HMGB1: variants seen among roughly 807,000 people sequenced by gnomAD.
HMGB1 encodes high mobility group protein B1.
For missense variants in HMGB1, 79 were observed against 253.5 expected (o/e 0.31, Z 4.67); for synonymous variants, 81 against 84.0 (o/e 0.96, Z 0.19).
intron 1 of HMGB1, among the ~76,000 whole-genome samples, chr13:30,517,694 G>A (rs897781764): frequency 6.6e-6 from 1 of 152,150 alleles, no homozygotes; most frequent in Non-Finnish European, 1.5e-5. Flanking sequence ...TGGCCTCTGA[G>A]AGCCTTCTGC....
intron 1 of HMGB1, among the ~76,000 whole-genome samples, chr13:30,579,070 A>G (rs753759532): frequency 1.3e-4 from 20 of 152,222 alleles, no homozygotes; most frequent in Non-Finnish European, 4.4e-5. Flanking sequence ...GCAAGGACGG[A>G]ATCATTCTCA....
chr13:30,611,449 G>A (rs1465298112), intron 1 of HMGB1, among the ~76,000 whole-genome samples: 1 of 152,072 alleles, frequency 6.6e-6, no homozygotes. Flanking sequence ...GCTATTTTAA[G>A]GACTTTTTAA....
chr13:30,511,996 C>A (rs1213410358), intron 1 of HMGB1, among the ~76,000 whole-genome samples: 1 of 152,084 alleles, frequency 6.6e-6, no homozygotes, highest in Admixed American at 6.5e-5. Flanking sequence ...ACCTGAGATG[C>A]ACCTGATTAA....
chr13:30,558,381 A>G (rs2137521354), intron 1 of HMGB1, among the ~76,000 whole-genome samples: 1 of 152,378 alleles, frequency 6.6e-6, no homozygotes, highest in East Asian at 1.9e-4. Context: ...TTTAAGAACT[A>G]GTGTCTATAT....
At chr13:30,498,976 G>T in intron 1 of HMGB1, among the ~76,000 whole-genome samples, 1 of 147,536 alleles carries the variant, frequency 6.8e-6, no homozygotes. Flanking sequence ...TTTTTGAGAA[G>T]GAGTCTTGCT....
intron 1 of HMGB1, chr13:30,464,341 C>G: frequency 3.0e-6 from 3 of 985,420 alleles, no homozygotes; most frequent in Non-Finnish European, 3.6e-6. Context: ...CACGTCCGGT[C>G]TGAAGTTTCT....
intron 1 of HMGB1, among the ~76,000 whole-genome samples, chr13:30,580,695 T>C (rs765225598): frequency 6.6e-6 from 1 of 152,198 alleles, no homozygotes; most frequent in Non-Finnish European, 1.5e-5. Flanking sequence ...AGACAATGCA[T>C]AGCACCATGC....
intron 1 of HMGB1, among the ~76,000 whole-genome samples, chr13:30,553,130 C>G (rs1869506670): frequency 6.6e-6 from 1 of 152,222 alleles, no homozygotes; most frequent in South Asian, 2.1e-4. Context: ...AAAGGTTCCT[C>G]AGAAGCTCCC....
chr13:30,583,840 AAAGAAAGAAAG>A (rs1276823218), intron 1 of HMGB1, among the ~76,000 whole-genome samples: 4 of 82,760 alleles, frequency 4.8e-5, no homozygotes, highest in African/African-American at 2.4e-4. Flanking sequence ...AAAAAAAAAA[AAAGAAAGAAAG>A]AAAGAAAGAA....
At chr13:30,607,053 T>C (rs1950467038) in intron 1 of HMGB1, among the ~76,000 whole-genome samples, 1 of 152,248 alleles carries the variant, frequency 6.6e-6, no homozygotes, top group Non-Finnish European at 1.5e-5. Context: ...ATCAAAGCAC[T>C]GCCACTTGCT....
chr13:30,604,137 G>C (rs1054833068), intron 1 of HMGB1, among the ~76,000 whole-genome samples: 2 of 151,610 alleles, frequency 1.3e-5, no homozygotes, highest in African/African-American at 4.9e-5. Flanking sequence ...AAGAGAAAAA[G>C]CTGCTCTCCA....
At chr13:30,484,395 G>T (rs1887312029) in intron 1 of HMGB1, among the ~76,000 whole-genome samples, 1 of 152,190 alleles carries the variant, frequency 6.6e-6, no homozygotes, top group East Asian at 1.9e-4. Context: ...TACCAGCTTT[G>T]CTACCAACTA....
At chr13:30,535,624 T>C (rs190795955) in intron 1 of HMGB1, among the ~76,000 whole-genome samples, 322 of 152,348 alleles carry the variant, frequency 2.1e-3, no homozygotes, top group Non-Finnish European at 3.7e-3. Context: ...GCACAGGGAC[T>C]CACGCCTGTA....
intron 1 of HMGB1, among the ~76,000 whole-genome samples, chr13:30,570,971 T>A (rs539879272): frequency 1.4e-4 from 21 of 152,302 alleles, no homozygotes; most frequent in South Asian, 1.2e-3. Flanking sequence ...TTCACATAAA[T>A]CAATTCTCAA....
chr13:30,464,889 A>AGGGGC (rs1726786263), intron 1 of HMGB1: 1 of 132,972 alleles, frequency 7.5e-6, no homozygotes, highest in Non-Finnish European at 1.6e-5. Context: ...CGGCCGGGGG[A>AGGGGC]GGGGCGGGGG....
rs1249589215 is a variant in HMGB1, at chr13:30,460,092, GCAGATAAA to G, written c.*1257_*1264del. ...GCCAAATTGTTCCCTAAACTCCTAA[GCAGATAAA>G]CATGACTAATGAATGAGTTTGTTTT... On this transcript the variant is annotated 3_prime_UTR_variant, in exon 5 of 5. Coordinates refer to ENST00000341423, the MANE Select transcript of HMGB1 (RefSeq NM_002128.7). 1 of 152,488 alleles carries G rather than the reference GCAGATAAA, an allele frequency of 6.6e-6. No individual in the cohort carries two copies. Among genetic ancestry groups the G allele is most frequent in the Middle Eastern group, 3.2e-3 (1 of 316 alleles). 9.4% of individuals were successfully genotyped at this position (152,488 alleles called of 1,614,324 possible). A position where few individuals can be genotyped will look rare whatever the true frequency, so the allele number is the denominator to read the frequency against.
In HMGB1 at chr13:30,564,236, C is replaced by G. The variant is rs549602543; in HGVS notation, c.-15+52435G>C. On this transcript the variant is annotated intron_variant, in intron 1 of 4. Transcript: ENST00000405805. ...TTGCTTGAGCCCAGGAGTTCAAGACCAGGCTGGGCAACATGGCAAAAACCC... is the reference window on the plus strand; with the variant it reads ...TTGCTTGAGCCCAGGAGTTCAAGACGAGGCTGGGCAACATGGCAAAAACCC... Among the ~76,000 whole-genome samples, 548 of 141,348 alleles carry G rather than the reference C, an allele frequency of 3.9e-3. 2 individuals are homozygous for G. Among genetic ancestry groups the G allele is most frequent in the Non-Finnish European group, 7.0e-3 (467 of 66,552 alleles). 92.7% of individuals were successfully genotyped at this position (141,348 alleles called of 152,430 possible). A position where few individuals can be genotyped will look rare whatever the true frequency, so the allele number is the denominator to read the frequency against.
Position 30,528,564 on chromosome 13 carries a change from T to C in HMGB1, c.-14-64870A>G, listed in dbSNP as rs1019216067. The stretch of plus-strand genomic sequence containing the variant: ...GCAGTTATATACATATTTGCTTAAT[T>C]TTCTAAAAAGAGAAACAATGAGTTA... On this transcript the variant is annotated intron_variant, in intron 1 of 4. Transcript: ENST00000405805. 3.9e-5 allele frequency among the ~76,000 whole-genome samples: 6 copies of C among 152,210 alleles called. No individual in the cohort carries two copies. The East Asian group carries it at 1.2e-3, about 29-fold the overall frequency.
chr13:30,501,772 T>C (rs1887740510), intron 1 of HMGB1, among the ~76,000 whole-genome samples: 1 of 152,150 alleles, frequency 6.6e-6, no homozygotes, highest in African/African-American at 2.4e-5. Flanking sequence ...GATTTTAACC[T>C]GGATTGCAAA....
Sources: gnomAD v4.1 joint callset for allele counts (sites outside exome capture counted in the v4.1 genomes callset) on GRCh38, gnomAD v4.1.1 for gene constraint, MANE v1.5 for transcripts, NCBI Gene and HGNC (gene_info 2026-07-23, HGNC 2026-07-21) for gene names.